The following F13A1 variants were observed in gnomAD, a reference collection of about 807,000 sequenced individuals.
F13A1 encodes FSF, A subunit.
A neutral mutation model predicts 80.1 loss-of-function variants in F13A1; 47 were observed. The observed-to-expected ratio is 0.59, with a 90% CI of 0.46 to 0.75. The LOEUF (loss-of-function observed/expected upper bound fraction) is 0.75, where lower values mean the gene tolerates loss of function less well. Among genes scored for constraint, F13A1 ranks in the 30% least tolerant of loss-of-function variants. The pLI, the probability that F13A1 is intolerant of heterozygous loss-of-function variation, is 0.00. For missense variants in F13A1, 817 were observed against 930.4 expected (o/e 0.88, Z 1.59); for synonymous variants, 349 against 344.9 (o/e 1.01, Z -0.13).
At chr6:6,305,203 G>C (rs933302227) in intron 3 of F13A1, 148 bp downstream of exon 3, 1 of 886,118 alleles carries the variant, frequency 1.1e-6, no homozygotes, top group East Asian at 2.6e-5. Flanking sequence ...CAGTCTTAGA[G>C]CACAGGGTAA....
At chr6:6,305,808 T>C (rs1272071166) in intron 2 of F13A1, among the ~76,000 whole-genome samples, 1 of 152,124 alleles carries the variant, frequency 6.6e-6, no homozygotes, top group Non-Finnish European at 1.5e-5. Context: ...TGGATGCCTG[T>C]CTGGGAGATC....
intron 4 of F13A1, among the ~76,000 whole-genome samples, chr6:6,254,845 T>C (rs1308283945): frequency 2.0e-5 from 3 of 152,166 alleles, no homozygotes; most frequent in African/African-American, 7.2e-5. Context: ...ATCTTTGAGC[T>C]CTTTTTATGC....
rs373537483 is a variant in F13A1, at chr6:6,192,944, T to C, written c.1305+2853A>G. On this transcript the variant is annotated intron_variant, in intron 10 of 14. Coordinates refer to ENST00000264870, the MANE Select transcript of F13A1 (RefSeq NM_000129.4). ...TTCTTCACTAAGAACCCCTGAGGGC[T>C]TCGTGAACATGGAATCTTGGAATAC... 3.3e-5 allele frequency among the ~76,000 whole-genome samples: 5 copies of C among 152,146 alleles called. No homozygotes were observed. The East Asian group carries it at 5.8e-4, about 18-fold the overall frequency.
At chr6:6,182,970 T>G (rs947458725) in intron 10 of F13A1, among the ~76,000 whole-genome samples, 2 of 152,214 alleles carry the variant, frequency 1.3e-5, no homozygotes, top group Non-Finnish European at 2.9e-5. Flanking sequence ...TTTGTGGGAC[T>G]CAGAAATAGT....
At chr6:6,245,315 C>T (rs77110314) in intron 6 of F13A1, among the ~76,000 whole-genome samples, 3 of 152,134 alleles carry the variant, frequency 2.0e-5, no homozygotes, top group South Asian at 4.2e-4. Flanking sequence ...CTCTGCCTCC[C>T]GGGTTCAAGC....
At chr6:6,220,712 G>T (rs1211366010) in intron 8 of F13A1, among the ~76,000 whole-genome samples, 1 of 152,084 alleles carries the variant, frequency 6.6e-6, no homozygotes, top group African/African-American at 2.4e-5. Flanking sequence ...TACATGCAGG[G>T]CTGCTATATT....
intron 14 of F13A1, among the ~76,000 whole-genome samples, chr6:6,146,974 A>G (rs1213682900): frequency 6.6e-6 from 1 of 152,228 alleles, no homozygotes; most frequent in Non-Finnish European, 1.5e-5. Flanking sequence ...CTACTCAGCC[A>G]TAAAAAGGAA....
chr6:6,238,489 G>A (rs1757441554), intron 6 of F13A1, among the ~76,000 whole-genome samples: 1 of 152,012 alleles, frequency 6.6e-6, no homozygotes, highest in African/African-American at 2.4e-5. Context: ...AACATTTACT[G>A]GGGATGACTA....
At chr6:6,261,269 G>T (rs1757777077) in intron 4 of F13A1, among the ~76,000 whole-genome samples, 1 of 152,152 alleles carries the variant, frequency 6.6e-6, no homozygotes, top group South Asian at 2.1e-4. Context: ...GCCCGGCCCT[G>T]CCTCTTGAGT....
chr6:6,247,359 T>TAA (rs1757566733), intron 6 of F13A1, among the ~76,000 whole-genome samples: 1 of 152,206 alleles, frequency 6.6e-6, no homozygotes, highest in Non-Finnish European at 1.5e-5. Flanking sequence ...ATTGGTAATA[T>TAA]AAGTATTTCT....
intron 6 of F13A1, among the ~76,000 whole-genome samples, chr6:6,226,142 T>C (rs1429628430): frequency 6.6e-6 from 1 of 152,212 alleles, no homozygotes; most frequent in Non-Finnish European, 1.5e-5. Flanking sequence ...TCTACCTCTC[T>C]TGGTGTAACG....
rs551356553 is a variant in F13A1 at position 6,300,839 on chromosome 6, G to A, written c.319+4512C>T. On this transcript the variant is annotated intron_variant, in intron 3 of 14. Transcript: ENST00000264870. The stretch of plus-strand genomic sequence containing the variant: ...TCGTCTGTTTTTTTTTTTAATTTAT[G>A]TTACATTTTGGTTCACTTTTAATAG... Among the ~76,000 whole-genome samples, 4 of 146,334 alleles carry A rather than the reference G, an allele frequency of 2.7e-5. No homozygotes were observed. In the South Asian group the frequency reaches 8.6e-4, roughly 32 times the overall value.
intron 8 of F13A1, among the ~76,000 whole-genome samples, chr6:6,219,897 T>G (rs1488157842): frequency 3.3e-5 from 5 of 152,238 alleles, no homozygotes; most frequent in Non-Finnish European, 7.3e-5. Context: ...GCTGTGTGAC[T>G]AATAATGAAG....
chr6:6,284,659 C>T (rs371672390), intron 3 of F13A1, among the ~76,000 whole-genome samples: 262 of 152,260 alleles, frequency 1.7e-3, no homozygotes, highest in African/African-American at 6.1e-3. Flanking sequence ...CCAAATGCAG[C>T]CAGACACTTG....
At chr6:6,251,366 G>A (rs556589229) in intron 4 of F13A1, among the ~76,000 whole-genome samples, 2 of 149,286 alleles carry the variant, frequency 1.3e-5, no homozygotes, top group African/African-American at 4.9e-5. Flanking sequence ...TCTGGGACAC[G>A]TGAGAAGGCC....
In F13A1 at chr6:6,270,938, C is replaced by T. The variant is rs558237931; in HGVS notation, c.320-4129G>A. Among the ~76,000 whole-genome samples the T allele has an allele frequency of 3.3e-5, 5 of 152,216 alleles. No individual in the cohort carries two copies. In the South Asian group the frequency reaches 1.0e-3, roughly 32 times the overall value. ...GAACCTGCATGAGGGTCTCTCTGGG[C>T]CAACTCATTTTTTTGTGATTTGCAT... On this transcript the variant is annotated intron_variant, in intron 3 of 14. Transcript: ENST00000264870.
At chr6:6,277,554 A>G (rs1459013792) in intron 3 of F13A1, among the ~76,000 whole-genome samples, 2 of 152,210 alleles carry the variant, frequency 1.3e-5, no homozygotes, top group Non-Finnish European at 2.9e-5. Flanking sequence ...TGGAACAACT[A>G]CAGTTCATCC....
Position 6,294,501 on chromosome 6 carries a change from T to C in F13A1, c.319+10850A>G, listed in dbSNP as rs1758286511. Among the ~76,000 whole-genome samples the C allele has an allele frequency of 3.3e-5, 5 of 151,050 alleles. No homozygotes were observed. In the South Asian group the frequency reaches 8.4e-4, roughly 25 times the overall value. The stretch of plus-strand genomic sequence containing the variant: ...AATTAATACTTAAATAAACTCCCCT[T>C]TATATGTATATACACACAACACTCA... On this transcript the variant is annotated intron_variant, in intron 3 of 14. Coordinates refer to ENST00000264870, the MANE Select transcript of F13A1 (RefSeq NM_000129.4).
At chr6:6,251,044 A>AG (rs1204692789) in intron 4 of F13A1, 115 bp from the exon 5 acceptor site, 43 of 827,712 alleles carry the variant, frequency 5.2e-5, no homozygotes, top group Non-Finnish European at 5.5e-5. Flanking sequence ...CAAATTTTTA[A>AG]AAAATGCCCT....
Sources: allele counts gnomAD v4.1 joint callset (sites outside exome capture counted in the v4.1 genomes callset), GRCh38; gene constraint gnomAD v4.1.1; transcripts MANE v1.5; gene names NCBI Gene and HGNC (gene_info 2026-07-23, HGNC 2026-07-21).